The following CTBP2 variants were observed in gnomAD, a reference collection of about 807,000 sequenced individuals.
CTBP2 encodes the protein C-terminal binding protein 2.
CTBP2 carries 30 observed loss-of-function variants against 80.3 expected under a neutral mutation model. The observed-to-expected ratio is 0.37, with a 90% CI of 0.28 to 0.51. CTBP2 has a LOEUF of 0.51. CTBP2 is among the 20% of genes least tolerant of loss of function. The pLI, the probability that CTBP2 is intolerant of heterozygous loss-of-function variation, is 0.93. For synonymous variants in CTBP2, 594 were observed against 587.4 expected, an observed-to-expected ratio of 1.01 and a Z score of -0.16; for missense variants, 1,212 against 1,375.3, an observed-to-expected ratio of 0.88 and a Z score of 1.88.
In CTBP2 at chr10:125,066,235, G is replaced by A. The variant is rs1844612253; in HGVS notation, c.-101-27080C>T. On this transcript the variant is annotated intron_variant, in intron 2 of 10. Coordinates refer to the CTBP2 transcript ENST00000337195. This position sits in a 1 kb window ranked among gnomAD's most constrained non-coding sequence, Gnocchi z 4.1. ...GCTTCTGTTAACATGGCGATGGCTA[G>A]GCACAGGCAGCCACCCCTCTACCAA... is the stretch of plus-strand genomic sequence containing the variant. Among the ~76,000 whole-genome samples, 1 of 152,098 alleles carries A rather than the reference G, an allele frequency of 6.6e-6. No homozygotes were observed. The highest frequency in any genetic ancestry group is 2.1e-4 in the South Asian group (1 of 4,826).
chr10:125,035,803 A>G (rs1252454049), intron 3 of CTBP2, among the ~76,000 whole-genome samples: 1 of 152,238 alleles, frequency 6.6e-6, no homozygotes, highest in African/African-American at 2.4e-5. Flanking sequence ...GCAGTTCACA[A>G]TGTCAATTAT....
At position 125,027,321 on chromosome 10, in the gene CTBP2, A is replaced by G; in HGVS notation, c.439T>C (p.Ser147Pro). 6.2e-7 allele frequency: 1 copy of G among 1,613,640 alleles called. No homozygotes were observed. The highest frequency in any genetic ancestry group is 1.1e-5 in the South Asian group (1 of 91,078). Residue 147 changes from serine (S) to proline (P), a missense_variant, in exon 1 of 9, where the codon TCA becomes CCA. Physicochemically the swap from Ser to Pro is moderately conservative, Grantham distance 74. This residue lies in a region of CTBP2 where 848 missense variants were observed against 782.3 expected (regional missense o/e 1.08). Transcript: ENST00000309035. Reference sequence around the variant, plus strand: ...GACCGGCCTTGCATTGGATCCCATGACGTTCTGCTGCCAAGCACTCCGTAG... The same window carrying G: ...GACCGGCCTTGCATTGGATCCCATGGCGTTCTGCTGCCAAGCACTCCGTAG...
intron 1 of CTBP2, among the ~76,000 whole-genome samples, chr10:125,148,886 G>A (rs1859299347): frequency 6.6e-6 from 1 of 152,246 alleles, no homozygotes; most frequent in African/African-American, 2.4e-5. Context: ...TGAGAAGGAT[G>A]TGTGCAAGTG....
chr10:125,161,684 C>T (rs1163097907), upstream of CTBP2, among the ~76,000 whole-genome samples: 2 of 151,906 alleles, frequency 1.3e-5, no homozygotes, highest in Non-Finnish European at 2.9e-5. Flanking sequence ...AGTGCTGTGC[C>T]CTAAAAGAAG....
intron 1 of CTBP2, among the ~76,000 whole-genome samples, chr10:125,156,837 AAAGTT>A (rs1188536034): frequency 9.9e-5 from 15 of 152,136 alleles, no homozygotes; most frequent in African/African-American, 3.1e-4. Context: ...TGGAGTTTTA[AAAGTT>A]AAGACTGAAG....
In CTBP2 at chr10:125,101,541, A is replaced by C. The variant is rs148864675; in HGVS notation, c.-102+9449T>G. ...TTGGGAAAGGCTTCATGGAAACCCC[A>C]AACCTTTCACTGCTTGATAGGAAAA... On this transcript the variant is annotated intron_variant, in intron 2 of 10. Transcript: ENST00000337195. Among the ~76,000 whole-genome samples, 254 of 152,342 alleles carry C rather than the reference A, an allele frequency of 1.7e-3. 1 individual carries two copies. The highest frequency in any genetic ancestry group is 6.0e-3 in the African/African-American group (250 of 41,584).
chr10:125,112,271 C>A (rs11592126), intron 1 of CTBP2, among the ~76,000 whole-genome samples: 3,418 of 151,758 alleles, frequency 0.023, 62 homozygotes, highest in Non-Finnish European at 0.034. Flanking sequence ...TGCCACCACA[C>A]CTGGCTAATT....
At chr10:125,079,715 C>T (rs949664630) in intron 2 of CTBP2, among the ~76,000 whole-genome samples, 2 of 152,176 alleles carry the variant, frequency 1.3e-5, no homozygotes, top group Non-Finnish European at 2.9e-5. Flanking sequence ...AATAGAAGAC[C>T]AAAATATCTA....
At chr10:125,083,665 A>C (rs1019405861) in intron 2 of CTBP2, among the ~76,000 whole-genome samples, 1 of 151,862 alleles carries the variant, frequency 6.6e-6, no homozygotes, top group African/African-American at 2.4e-5. Context: ...GCAGGATCTC[A>C]CTCTGCCTCC....
chr10:125,049,092 C>CACACACACACACACAT (rs1255245867), intron 2 of CTBP2, among the ~76,000 whole-genome samples: 1 of 144,046 alleles, frequency 6.9e-6, no homozygotes, highest in African/African-American at 2.6e-5. Context: ...CACACACACA[C>CACACACACACACACAT]GTCCACCTGA....
At chr10:125,077,515 C>G (rs1230171491) in intron 2 of CTBP2, among the ~76,000 whole-genome samples, 1 of 152,210 alleles carries the variant, frequency 6.6e-6, no homozygotes, top group Middle Eastern at 3.2e-3. Context: ...GGCTCACTCA[C>G]CCCCTCACCA....
At chr10:125,117,887 T>C (rs1225281873) in intron 1 of CTBP2, among the ~76,000 whole-genome samples, 1 of 152,198 alleles carries the variant, frequency 6.6e-6, no homozygotes, top group African/African-American at 2.4e-5. Context: ...AACACTTCAT[T>C]ATGACCCCCT....
At chr10:125,003,158 A>T in intron 2 of CTBP2, 54 bp from the exon 5 acceptor site, 4 of 1,609,740 alleles carry the variant, frequency 2.5e-6, no homozygotes, top group African/African-American at 1.3e-5. Flanking sequence ...GCCCACCGGC[A>T]CCACTTGGCC....
At chr10:124,996,436 A>G (rs560548593) in intron 4 of CTBP2, 1 of 152,488 alleles carries the variant, frequency 6.6e-6, no homozygotes, top group South Asian at 2.1e-4. Flanking sequence ...AGACACCTGG[A>G]AAGGGAACAA....
chr10:125,058,985 C>A (rs570171107), intron 2 of CTBP2, among the ~76,000 whole-genome samples: 3 of 152,320 alleles, frequency 2.0e-5, no homozygotes, highest in African/African-American at 7.2e-5. Flanking sequence ...TCCCCACGGT[C>A]AGGCAGGTGA....
intron 1 of CTBP2, among the ~76,000 whole-genome samples, chr10:125,010,219 T>TTAAAAAAA (rs552007928): frequency 1.9e-5 from 2 of 105,988 alleles, no homozygotes; most frequent in African/African-American, 7.4e-5. Flanking sequence ...ATTTTAAGGT[T>TTAAAAAAA]AAAAAAAAAA....
intron 2 of CTBP2, among the ~76,000 whole-genome samples, chr10:125,054,964 T>C (rs1457200111): frequency 2.6e-5 from 4 of 152,122 alleles, no homozygotes; most frequent in Non-Finnish European, 5.9e-5. Context: ...ATGCTTAAAA[T>C]AAATTCCAGG....
chr10:125,160,443 C>T (rs1047229680), exon 1 of CTBP2: 4 of 152,818 alleles, frequency 2.6e-5, no homozygotes, highest in African/African-American at 4.9e-5. Context: ...GCGGCCCCCC[C>T]TCAGCGCGGC....
At chr10:125,039,004 A>C in exon 3 of CTBP2, 1 of 1,613,620 alleles carries the variant, frequency 6.2e-7, no homozygotes, top group Non-Finnish European at 8.5e-7. Context: ...TACCTTCACA[A>C]ATTCTGTCCA....
Sources: gnomAD v4.1 joint callset for allele counts (sites outside exome capture counted in the v4.1 genomes callset) on GRCh38, gnomAD v4.1.1 for gene constraint, gnomAD v4.1.1 regional missense constraint, Gnocchi (gnomAD v3.1) non-coding constraint, MANE v1.5 for transcripts, NCBI Gene and HGNC (gene_info 2026-07-23, HGNC 2026-07-21) for gene names.